PC: variants seen among roughly 807,000 people sequenced by gnomAD.
PC encodes pyruvate carboxylase, also known as pyruvate carboxylase, mitochondrial.
PC carries 46 observed loss-of-function variants against 107.8 expected under a neutral mutation model. That is an observed-to-expected ratio of 0.43 (90% CI 0.34 to 0.55). PC has a LOEUF of 0.55. Among genes scored for constraint, PC ranks in the 20% least tolerant of loss-of-function variants. The probability of loss-of-function intolerance (pLI) is 0.04; values close to 1 mark genes in which losing one functional copy is unlikely to be tolerated. For missense variants in PC, 1,241 were observed against 1,643.1 expected (o/e 0.76, Z 4.23); for synonymous variants, 662 against 684.7 (o/e 0.97, Z 0.52).
intron 3 of PC, among the ~76,000 whole-genome samples, chr11:66,937,771 G>GTTTT (rs902592166): frequency 1.4e-5 from 2 of 146,754 alleles, no homozygotes; most frequent in African/African-American, 2.6e-5. Flanking sequence ...GAATTTCTGG[G>GTTTT]TTTTTTTTGT....
rs1192978914 is a variant in PC at position 66,958,337 on chromosome 11, A to G, written c.-243T>C. The G allele has an allele frequency of 6.6e-6, 1 of 152,426 alleles. No individual in the cohort carries two copies. The highest frequency in any genetic ancestry group is 2.4e-5 in the African/African-American group (1 of 41,462). 9.4% of individuals were successfully genotyped at this position (152,426 alleles called of 1,614,324 possible). On this transcript the variant is annotated 5_prime_UTR_variant, in exon 1 of 23. Transcript: ENST00000393960. The stretch of plus-strand genomic sequence containing the variant: ...GGACACTCACCTCCTCGCCGTCGCC[A>G]GTCCTCGCCGCCGCCTCTACCGCTG...
At chr11:66,900,111 C>A (rs541943931) in intron 3 of PC, among the ~76,000 whole-genome samples, 2 of 150,760 alleles carry the variant, frequency 1.3e-5, no homozygotes, top group South Asian at 4.2e-4. Context: ...ATCTATATGT[C>A]TATCCTTACA....
intron 3 of PC, among the ~76,000 whole-genome samples, chr11:66,890,345 T>C (rs1328715116): frequency 6.6e-6 from 1 of 151,994 alleles, no homozygotes; most frequent in Non-Finnish European, 1.5e-5. Context: ...ACCTATGGTA[T>C]TGTGTTATAG....
At chr11:66,896,897 C>T (rs1029274795) in intron 3 of PC, among the ~76,000 whole-genome samples, 13 of 152,096 alleles carry the variant, frequency 8.5e-5, no homozygotes, top group African/African-American at 2.7e-4. Context: ...GGAAAGGTTT[C>T]TCTTTCACTG....
Position 66,848,646 on chromosome 11 carries a change from C to CACTT in PC, c.*249_*252dup. The CACTT allele has an allele frequency of 1.6e-6, 1 of 612,328 alleles. No homozygotes were observed. Among genetic ancestry groups the CACTT allele is most frequent in the Non-Finnish European group, 2.9e-6 (1 of 344,450 alleles). 37.9% of individuals were successfully genotyped at this position (612,328 alleles called of 1,614,324 possible). ...TGGGTCCTAGGACCACCTGACCCAC[C>CACTT]ACTTGTAGTCTCCAGTGAGGAGGGG... On this transcript the variant is annotated 3_prime_UTR_variant, in exon 23 of 23. Transcript: ENST00000393960.
chr11:66,879,717 C>T (rs4397861), intron 3 of PC, among the ~76,000 whole-genome samples: 5,472 of 152,258 alleles, frequency 0.036, 156 homozygotes, highest in African/African-American at 0.075. Context: ...GTAGCTGATC[C>T]ACAGCCCACA....
chr11:66,860,653 G>A, intron 12 of PC: 1 of 701,706 alleles, frequency 1.4e-6, no homozygotes, highest in Non-Finnish European at 2.6e-6. Flanking sequence ...CAAGGGCTGT[G>A]CCTGGTGTCT....
chr11:66,910,750 C>G (rs1948312140), intron 3 of PC, among the ~76,000 whole-genome samples: 2 of 152,208 alleles, frequency 1.3e-5, no homozygotes, highest in South Asian at 4.1e-4. Flanking sequence ...CTTTGTGATA[C>G]CAGCTCCAGG....
At chr11:66,924,136 A>T (rs1948658045) in intron 3 of PC, among the ~76,000 whole-genome samples, 1 of 149,914 alleles carries the variant, frequency 6.7e-6, no homozygotes, top group South Asian at 2.1e-4. Context: ...CAGGAGGCAG[A>T]GGCTGCAGTG....
chr11:66,904,708 T>C (rs1192586193), intron 3 of PC, among the ~76,000 whole-genome samples: 1 of 152,186 alleles, frequency 6.6e-6, no homozygotes, highest in Non-Finnish European at 1.5e-5. Context: ...TAAGGAACTG[T>C]ATGACTAAGT....
chr11:66,861,424 G>A (rs1039461286), intron 12 of PC, among the ~76,000 whole-genome samples: 1 of 152,356 alleles, frequency 6.6e-6, no homozygotes, highest in Non-Finnish European at 1.5e-5. Flanking sequence ...GGGCCAAGGC[G>A]CTGCCACCGG....
At chr11:66,884,864 C>T (rs1024609667) in intron 3 of PC, among the ~76,000 whole-genome samples, 2 of 152,200 alleles carry the variant, frequency 1.3e-5, no homozygotes, top group African/African-American at 2.4e-5. Context: ...AGACTCAATT[C>T]TAAACAGAAC....
rs1945580970 is a variant in PC at position 66,852,772 on chromosome 11, G to C, written c.1578C>G (p.Asp526Glu). 1 of 1,604,254 alleles carries C rather than the reference G, an allele frequency of 6.2e-7. No individual in the cohort carries two copies. The highest frequency in any genetic ancestry group is 1.3e-5 in the African/African-American group (1 of 74,766). Residue 526 changes from aspartate (D) to glutamate (E), a missense_variant, in exon 14 of 23, where the codon GAC becomes GAG. Transcript: ENST00000393960. This position sits in a 1 kb window ranked among gnomAD's most constrained non-coding sequence, Gnocchi z 4.7. ...IPVKASPSPTDPVVPAVPIGP... is the reference protein window; with the variant it reads ...IPVKASPSPTEPVVPAVPIGP... ...CTATGGGCACTGCAGGGACAACGGG[G>C]TCCGTGGGGCTGGGGCTGGCCTTGA...
chr11:66,939,781 G>T (rs1423974286), intron 3 of PC, among the ~76,000 whole-genome samples: 2 of 102,990 alleles, frequency 1.9e-5, no homozygotes, highest in Non-Finnish European at 3.5e-5. Flanking sequence ...TCCAGCCTGG[G>T]CAACAAGAGC....
rs897371015 is a variant in PC at position 66,861,134 on chromosome 11, C to T, written c.1368+2640G>A. Among the ~76,000 whole-genome samples, 23 of 152,312 alleles carry T rather than the reference C, an allele frequency of 1.5e-4. 1 individual carries two copies. In the Middle Eastern group the frequency reaches 0.017, roughly 113 times the overall value. ...TGGGCCTTCCTGGGAAGGCGGCCTT[C>T]GCCCTCCCTCGCTGCAGGGAGGCAG... On this transcript the variant is annotated intron_variant, in intron 12 of 22. Coordinates refer to ENST00000393960, the MANE Select transcript of PC (RefSeq NM_001040716.2).
chr11:66,913,399 T>C (rs1948387501), intron 3 of PC, among the ~76,000 whole-genome samples: 1 of 151,882 alleles, frequency 6.6e-6, no homozygotes, highest in Non-Finnish European at 1.5e-5. Flanking sequence ...AAAGAAATAC[T>C]GCAGGCTGGG....
At chr11:66,923,580 C>G (rs1948644505) in intron 3 of PC, among the ~76,000 whole-genome samples, 1 of 151,890 alleles carries the variant, frequency 6.6e-6, no homozygotes, top group Non-Finnish European at 1.5e-5. Flanking sequence ...GTGGCGCGAT[C>G]TCGGCTCACT....
At position 66,849,965 on chromosome 11, in the gene PC, C is replaced by T. The variant is rs756646637; in HGVS notation, c.2870G>A (p.Gly957Glu). 4.3e-6 allele frequency: 7 copies of T among 1,613,556 alleles called. No homozygotes were observed. In the African/African-American group the frequency reaches 5.3e-5, roughly 12 times the overall value. ...FLQGYIGVPH[G>E]GFPEPFRSKV... ...AGAGCGAAAGGGTTCGGGGAACCCC[C>T]CATGGGGGACACCGATGTAGCCCTG... is the stretch of plus-strand genomic sequence containing the variant. The change falls in exon 20 of 23, where the codon GGG (glycine) becomes GAG (glutamate). Residue 957 changes from glycine (G) to glutamate (E), a missense_variant. Gly to Glu is a moderately conservative substitution (Grantham distance 98). Coordinates refer to ENST00000393960, the MANE Select transcript of PC (RefSeq NM_001040716.2).
rs141324828 is a variant in PC, at chr11:66,863,876, G to C, written c.1266C>G (p.Tyr422Ter). Reference sequence around the variant, plus strand: ...CAATGACTTTGACCAGCAGGGAGTCGTAGTGGGGCGAGATGACGGCTCCTT... The same window carrying C: ...CAATGACTTTGACCAGCAGGGAGTCCTAGTGGGGCGAGATGACGGCTCCTT... ...AFQGAVISPH[Y>*]DSLLVKVIAH... Residue 422 changes from tyrosine to a stop codon, truncating the protein, a stop_gained, in exon 12 of 23, where the codon TAC becomes TAG. Coordinates refer to ENST00000393960, the MANE Select transcript of PC (RefSeq NM_001040716.2). LOFTEE classifies it high-confidence loss of function. 6.2e-7 allele frequency: 1 copy of C among 1,614,098 alleles called. No homozygotes were observed. Among genetic ancestry groups the C allele is most frequent in the Non-Finnish European group, 8.5e-7 (1 of 1,180,006 alleles).
Sources: gnomAD v4.1 joint callset for allele counts (sites outside exome capture counted in the v4.1 genomes callset) on GRCh38, gnomAD v4.1.1 for gene constraint, Gnocchi (gnomAD v3.1) non-coding constraint, MANE v1.5 for transcripts, NCBI Gene and HGNC (gene_info 2026-07-23, HGNC 2026-07-21) for gene names.